PCDH15: variants seen among roughly 807,000 people sequenced by gnomAD.
PCDH15 encodes protocadherin related 15.
In PCDH15, 129 loss-of-function variants were observed where a neutral mutation model predicts 178.5. That is an observed-to-expected ratio of 0.72 (90% CI 0.63 to 0.84). PCDH15 has a LOEUF of 0.84. PCDH15 is among the 40% of genes least tolerant of loss of function. The pLI is 0.00. For synonymous variants in PCDH15, 800 were observed against 732.0 expected, an observed-to-expected ratio of 1.09 and a Z score of -1.50; for missense variants, 2,230 against 2,099.9, an observed-to-expected ratio of 1.06 and a Z score of -1.21.
In PCDH15 at chr10:54,492,510, G is replaced by T. The variant is rs186958962; in HGVS notation, c.157+35302C>A. Among the ~76,000 whole-genome samples, 271 of 152,264 alleles carry T rather than the reference G, an allele frequency of 1.8e-3. 1 individual carries two copies. The highest frequency in any genetic ancestry group is 6.3e-3 in the African/African-American group (261 of 41,566). ...TACAGTAGTTCTCCTTTATTCAAGTGCTTGCTTTCCATGGTTTCAGTTGCC... is the reference window on the plus strand; with the variant it reads ...TACAGTAGTTCTCCTTTATTCAAGTTCTTGCTTTCCATGGTTTCAGTTGCC... On this transcript the variant is annotated intron_variant, in intron 3 of 37. Transcript: ENST00000644397.
At chr10:55,453,969 GA>G (rs559292750) in intron 2 of PCDH15, among the ~76,000 whole-genome samples, 34 of 151,754 alleles carry the variant, frequency 2.2e-4, no homozygotes, top group African/African-American at 8.2e-4. Context: ...CAATAAAAAG[GA>G]AAAAAATGTT....
At chr10:55,135,080 T>G (rs1436469316) in intron 2 of PCDH15, among the ~76,000 whole-genome samples, 2 of 152,194 alleles carry the variant, frequency 1.3e-5, no homozygotes, top group African/African-American at 4.8e-5. Context: ...TTTTGATAAT[T>G]TGAAAAGACA....
Position 54,363,624 on chromosome 10 carries a change from A to G in PCDH15, c.474+5496T>C, listed in dbSNP as rs536523419. Reference sequence around the variant, plus strand: ...CTCTAATTTATTGTGGGTATATTCAACAGAGTAGAATTGCTGAGTCATAGG... The same window carrying G: ...CTCTAATTTATTGTGGGTATATTCAGCAGAGTAGAATTGCTGAGTCATAGG... On this transcript the variant is annotated intron_variant, in intron 5 of 37. Coordinates refer to ENST00000644397, the MANE Select transcript of PCDH15 (RefSeq NM_001384140.1). 2.0e-5 allele frequency among the ~76,000 whole-genome samples: 3 copies of G among 152,284 alleles called. No individual in the cohort carries two copies. In the East Asian group the frequency reaches 5.8e-4, roughly 29 times the overall value.
chr10:55,611,228 C>T (rs1843358413), intron 2 of PCDH15, among the ~76,000 whole-genome samples: 2 of 152,014 alleles, frequency 1.3e-5, no homozygotes, highest in Admixed American at 6.6e-5. Context: ...AGAGTGACAA[C>T]TCACAGAATG....
chr10:55,409,038 T>A (rs1053668544), intron 2 of PCDH15, among the ~76,000 whole-genome samples: 1 of 152,146 alleles, frequency 6.6e-6, no homozygotes, highest in African/African-American at 2.4e-5. Context: ...CTTGTTAATG[T>A]TGAAGTATCT....
intron 1 of PCDH15, among the ~76,000 whole-genome samples, chr10:54,730,764 T>C: frequency 6.6e-6 from 1 of 151,374 alleles, no homozygotes. Context: ...CAAATAAAAA[T>C]AAAGACTTAA....
chr10:54,255,149 A>T (rs2056799688), intron 8 of PCDH15, among the ~76,000 whole-genome samples: 1 of 152,142 alleles, frequency 6.6e-6, no homozygotes, highest in South Asian at 2.1e-4. Context: ...GACTTTTTTT[A>T]TGTACAAAAA....
At chr10:54,339,299 C>T (rs1941790009) in intron 6 of PCDH15, among the ~76,000 whole-genome samples, 1 of 152,008 alleles carries the variant, frequency 6.6e-6, no homozygotes, top group South Asian at 2.1e-4. Flanking sequence ...ATTAGACAGA[C>T]ACCTCTGAAT....
intron 2 of PCDH15, among the ~76,000 whole-genome samples, chr10:55,471,630 A>G (rs917050339): frequency 2.6e-5 from 4 of 152,194 alleles, no homozygotes; most frequent in African/African-American, 9.6e-5. Flanking sequence ...CGAACTCCCA[A>G]CCTAAAGTGA....
intron 27 of PCDH15, 62 bp from the exon 28 acceptor site, chr10:53,857,325 A>G: frequency 7.9e-7 from 1 of 1,262,026 alleles, no homozygotes; most frequent in Non-Finnish European, 1.2e-6. Context: ...ATAATCAGAA[A>G]ACCCCCACAT....
chr10:55,329,218 A>T (rs1018617709), intron 2 of PCDH15, among the ~76,000 whole-genome samples: 1 of 59,474 alleles, frequency 1.7e-5, no homozygotes, highest in Admixed American at 1.5e-4. Flanking sequence ...TGGGAATTCA[A>T]ATTATTTTAT....
intron 11 of PCDH15, chr10:54,189,277 G>A (rs903116188): frequency 1.2e-5 from 12 of 1,010,234 alleles, no homozygotes; most frequent in Admixed American, 6.2e-5. Context: ...TAATACCTAC[G>A]TGTTTTAGTG....
chr10:55,021,460 T>C (rs1238163767), intron 2 of PCDH15, among the ~76,000 whole-genome samples: 5 of 152,204 alleles, frequency 3.3e-5, no homozygotes, highest in African/African-American at 9.6e-5. Context: ...TGGTAAATTA[T>C]AGGATGTGTT....
chr10:54,959,130 G>A (rs561270817), intron 2 of PCDH15, among the ~76,000 whole-genome samples: 1 of 151,828 alleles, frequency 6.6e-6, no homozygotes, highest in African/African-American at 2.4e-5. Flanking sequence ...GAGAAGGCAG[G>A]AAGAGAAGGG....
chr10:55,411,021 T>C (rs1351989316), intron 2 of PCDH15, among the ~76,000 whole-genome samples: 4 of 152,010 alleles, frequency 2.6e-5, no homozygotes, highest in African/African-American at 9.7e-5. Context: ...GCAATTTTAA[T>C]AAAATTGGGA....
In PCDH15 at chr10:54,985,334, G is replaced by T. The variant is rs985044668; in HGVS notation, c.-79-87834C>A. Among the ~76,000 whole-genome samples, 7 of 152,032 alleles carry T rather than the reference G, an allele frequency of 4.6e-5. No individual in the cohort carries two copies. The South Asian group carries it at 8.3e-4, about 18-fold the overall frequency. On this transcript the variant is annotated intron_variant, in intron 2 of 5. Transcript: ENST00000458638. Reference sequence around the variant, plus strand: ...CACATATATTCACATACAAATATTTGTGTTTATACTCAGATGTATGCATAT... The same window carrying T: ...CACATATATTCACATACAAATATTTTTGTTTATACTCAGATGTATGCATAT...
chr10:54,726,515 G>GAAA (rs371000353), intron 1 of PCDH15, among the ~76,000 whole-genome samples: 18,201 of 150,494 alleles, frequency 0.12, 1,248 homozygotes, highest in African/African-American at 0.17. Flanking sequence ...AAACAGGACC[G>GAAA]AAAATGCTAG....
intron 20 of PCDH15, among the ~76,000 whole-genome samples, chr10:54,009,005 A>G (rs904849400): frequency 6.6e-6 from 1 of 152,208 alleles, no homozygotes; most frequent in Non-Finnish European, 1.5e-5. Context: ...TAGTGTGACA[A>G]AATCATATTT....
chr10:55,130,287 C>T (rs926618261), intron 2 of PCDH15, among the ~76,000 whole-genome samples: 3 of 152,018 alleles, frequency 2.0e-5, no homozygotes, highest in Admixed American at 2.0e-4. Flanking sequence ...TGTGAAGGAG[C>T]TAGTCATGCT....
Sources: allele counts gnomAD v4.1 joint callset (sites outside exome capture counted in the v4.1 genomes callset), GRCh38; gene constraint gnomAD v4.1.1; transcripts MANE v1.5; gene names NCBI Gene and HGNC (gene_info 2026-07-23, HGNC 2026-07-21).